The following SULT4A1 variants were observed in gnomAD, a reference collection of about 807,000 sequenced individuals.
The protein encoded by SULT4A1 is sulfotransferase family 4A member 1, also known as sulfotransferase 4A1.
SULT4A1 carries 11 observed loss-of-function variants against 35.2 expected under a neutral mutation model. The ratio of observed to expected loss-of-function variants is 0.31; its 90% confidence interval spans 0.20 to 0.52. The LOEUF (loss-of-function observed/expected upper bound fraction) is 0.52, where lower values mean the gene tolerates loss of function less well. Among genes scored for constraint, SULT4A1 ranks in the 20% least tolerant of loss-of-function variants. The pLI, the probability that SULT4A1 is intolerant of heterozygous loss-of-function variation, is 0.97. For synonymous variants in SULT4A1, 152 were observed against 151.8 expected (o/e 1.00, Z -0.01); for missense variants, 271 against 383.7 (o/e 0.71, Z 2.45).
chr22:43,840,455 T>C lies in SULT4A1; in HGVS notation c.301-430A>G, dbSNP rs2063417726. Among the ~76,000 whole-genome samples, 3 of 152,098 alleles carry C rather than the reference T, an allele frequency of 2.0e-5. No individual in the cohort carries two copies. In the South Asian group the frequency reaches 6.2e-4, roughly 32 times the overall value. The stretch of plus-strand genomic sequence containing the variant: ...ATTGGAGACATGAGCACACCCCGGC[T>C]GGACCCTGGCGGTAGAGACAAGGGT... On this transcript the variant is annotated intron_variant, in intron 2 of 6. Coordinates refer to ENST00000330884, the MANE Select transcript of SULT4A1 (RefSeq NM_014351.4).
intron 4 of SULT4A1, among the ~76,000 whole-genome samples, chr22:43,836,650 G>A (rs1419384204): frequency 1.4e-5 from 2 of 146,890 alleles, no homozygotes; most frequent in East Asian, 4.0e-4. Context: ...TCTACACAGC[G>A]TCCTCCAACT....
intron 1 of SULT4A1, among the ~76,000 whole-genome samples, chr22:43,856,943 C>T (rs552407526): frequency 3.6e-4 from 55 of 152,146 alleles, no homozygotes; most frequent in Admixed American, 1.7e-3. Context: ...AAGGCACACG[C>T]GCACACACAC....
rs141818860 is a variant in SULT4A1 at position 43,839,321 on chromosome 22, C to T, written c.382-328G>A. Among the ~76,000 whole-genome samples the T allele has an allele frequency of 2.6e-3, 395 of 152,336 alleles. 2 individuals carry two copies. The highest frequency in any genetic ancestry group is 9.0e-3 in the African/African-American group (373 of 41,572). ...AAGAACACAGGCCTCTGGCCGGGTG[C>T]GGTGGCTCGCATCTGTAATCCCAGC... On this transcript the variant is annotated intron_variant, in intron 3 of 6. Transcript: ENST00000330884.
intron 4 of SULT4A1, among the ~76,000 whole-genome samples, chr22:43,836,289 G>A (rs1247244457): frequency 1.5e-5 from 2 of 137,080 alleles, no homozygotes; most frequent in African/African-American, 6.0e-5. Flanking sequence ...AACTGCAGGT[G>A]CCACAGGGAC....
intron 1 of SULT4A1, among the ~76,000 whole-genome samples, chr22:43,844,455 C>T (rs890956928): frequency 3.3e-5 from 5 of 152,184 alleles, no homozygotes; most frequent in Non-Finnish European, 5.9e-5. Context: ...AAATCAGCCA[C>T]GCGGCTGAGC....
chr22:43,833,460 C>T lies in SULT4A1; in HGVS notation c.603+180G>A, dbSNP rs1027352159. Among the ~76,000 whole-genome samples, 5 of 151,978 alleles carry T rather than the reference C, an allele frequency of 3.3e-5. No individual in the cohort carries two copies. In the East Asian group the frequency reaches 7.8e-4, roughly 24 times the overall value. ...TGCCCTGCCACACCTCAGGCTTTGA[C>T]AGGCTGCTCCCCACACCCCCAAGCC... On this transcript the variant is annotated intron_variant, in intron 5 of 6. Coordinates refer to ENST00000330884, the MANE Select transcript of SULT4A1 (RefSeq NM_014351.4).
chr22:43,846,295 C>G (rs2063476545), intron 1 of SULT4A1, among the ~76,000 whole-genome samples: 1 of 152,244 alleles, frequency 6.6e-6, no homozygotes, highest in South Asian at 2.1e-4. Flanking sequence ...TAACTCCCGT[C>G]CCTCGCCCTG....
chr22:43,830,565 A>G (rs372618790), intron 5 of SULT4A1, among the ~76,000 whole-genome samples: 2 of 152,238 alleles, frequency 1.3e-5, no homozygotes, highest in African/African-American at 2.4e-5. Flanking sequence ...ACAGGGCCGC[A>G]GCAAGAGGCC....
At position 43,851,905 on chromosome 22, in the gene SULT4A1, T is replaced by TGCGGC. The variant is rs140906773; in HGVS notation, c.170-9978_170-9974dup. 1.1e-3 allele frequency among the ~76,000 whole-genome samples: 167 copies of TGCGGC among 152,286 alleles called. 1 individual carries two copies. The highest frequency in any genetic ancestry group is 3.5e-3 in the African/African-American group (147 of 41,560). On this transcript the variant is annotated intron_variant, in intron 1 of 6. Transcript: ENST00000330884. ...GTTCCCACCTGGCCACCCTCACGAC[T>TGCGGC]GCGGCATTCAGGCTCCCCGCCTGCC...
Position 43,825,066 on chromosome 22 carries a change from G to A in SULT4A1, c.*935C>T, listed in dbSNP as rs79734045. On this transcript the variant is annotated 3_prime_UTR_variant, in exon 7 of 7. Transcript: ENST00000330884. ...GTCCTCCCACGGCTGAGCGCCTCAG[G>A]TGCACAGAACAAACTGAATGATAAA... 6.6e-6 allele frequency: 1 copy of A among 152,200 alleles called. No homozygotes were observed. The highest frequency in any genetic ancestry group is 1.5e-5 in the Non-Finnish European group (1 of 68,040). 9.4% of individuals were successfully genotyped at this position (152,200 alleles called of 1,614,324 possible).
chr22:43,856,823 T>C (rs1233608433), intron 1 of SULT4A1, among the ~76,000 whole-genome samples: 3 of 152,150 alleles, frequency 2.0e-5, no homozygotes, highest in Non-Finnish European at 2.9e-5. Context: ...CTTATACTAA[T>C]GGCCTAGCAG....
intron 2 of SULT4A1, among the ~76,000 whole-genome samples, chr22:43,840,744 G>C (rs1020613810): frequency 6.6e-6 from 1 of 152,214 alleles, no homozygotes; most frequent in African/African-American, 2.4e-5. Flanking sequence ...CGTGCTCTCT[G>C]CTCAGAGCCC....
intron 2 of SULT4A1, among the ~76,000 whole-genome samples, chr22:43,840,385 T>A (rs1047852877): frequency 5.3e-5 from 8 of 151,162 alleles, no homozygotes; most frequent in South Asian, 4.2e-4. Context: ...CTGGAGAGAG[T>A]CTCGGACCCA....
Position 43,825,905 on chromosome 22 carries a change from CAG to C in SULT4A1, c.*94_*95del. On this transcript the variant is annotated 3_prime_UTR_variant, in exon 7 of 7. Coordinates refer to ENST00000330884, the MANE Select transcript of SULT4A1 (RefSeq NM_014351.4). ...CCCCCGCTGTTTCACACGCTGCTTC[CAG>C]AGTTTGTCCAGCAAGGAATAAATGA... The C allele has an allele frequency of 7.9e-7, 1 of 1,257,998 alleles. No individual in the cohort carries two copies. The highest frequency in any genetic ancestry group is 1.1e-6 in the Non-Finnish European group (1 of 885,778). 77.9% of individuals were successfully genotyped at this position (1,257,998 alleles called of 1,614,324 possible). A position where few individuals can be genotyped will look rare whatever the true frequency, so the allele number is the denominator to read the frequency against.
At chr22:43,831,774 G>A (rs891596831) in intron 5 of SULT4A1, among the ~76,000 whole-genome samples, 1 of 152,262 alleles carries the variant, frequency 6.6e-6, no homozygotes, top group Non-Finnish European at 1.5e-5. Flanking sequence ...TGAAACCGCG[G>A]TGGCCTCTGG....
At chr22:43,844,857 C>A (rs913923331) in intron 1 of SULT4A1, among the ~76,000 whole-genome samples, 1 of 152,106 alleles carries the variant, frequency 6.6e-6, no homozygotes, top group Non-Finnish European at 1.5e-5. Flanking sequence ...GCACTGTGAC[C>A]GGCTCCACAC....
intron 1 of SULT4A1, among the ~76,000 whole-genome samples, chr22:43,858,017 T>C (rs1442600768): frequency 2.2e-4 from 26 of 119,926 alleles, no homozygotes; most frequent in African/African-American, 8.6e-4. Context: ...ATCACTGCAC[T>C]CCAGCCTGGG....
chr22:43,845,097 T>G (rs2063464977), intron 1 of SULT4A1, among the ~76,000 whole-genome samples: 1 of 152,158 alleles, frequency 6.6e-6, no homozygotes, highest in Non-Finnish European at 1.5e-5. Flanking sequence ...CCAGTGATTC[T>G]CAGTCATCAC....
rs925654905 is a variant in SULT4A1 at position 43,843,093 on chromosome 22, C to T, written c.170-1161G>A. Among the ~76,000 whole-genome samples the T allele has an allele frequency of 2.6e-5, 4 of 152,084 alleles. No homozygotes were observed. In the South Asian group the frequency reaches 6.3e-4, roughly 24 times the overall value. Reference sequence around the variant, plus strand: ...CTGAAAATATACTTGAATCTTCCCCCGCCTTTCTGTCTTGGAGCTGGCTAT... The same window carrying T: ...CTGAAAATATACTTGAATCTTCCCCTGCCTTTCTGTCTTGGAGCTGGCTAT... On this transcript the variant is annotated intron_variant, in intron 1 of 6. Transcript: ENST00000330884.
Sources: allele counts gnomAD v4.1 joint callset (sites outside exome capture counted in the v4.1 genomes callset), GRCh38; gene constraint gnomAD v4.1.1; transcripts MANE v1.5; gene names NCBI Gene and HGNC (gene_info 2026-07-23, HGNC 2026-07-21).